The following EPHA6 variants were observed in gnomAD, a reference collection of about 807,000 sequenced individuals.
The protein encoded by EPHA6 is EPH receptor A6.
In EPHA6, 50 loss-of-function variants were observed where a neutral mutation model predicts 112.0. The observed-to-expected ratio is 0.45, with a 90% CI of 0.36 to 0.56. The LOEUF is 0.56. EPHA6 is among the 20% of genes least tolerant of loss of function. The pLI is 0.00. For missense variants in EPHA6, 1,280 were observed against 1,417.4 expected (o/e 0.90, Z 1.56); for synonymous variants, 529 against 490.7 (o/e 1.08, Z -1.03).
intron 1 of EPHA6, among the ~76,000 whole-genome samples, chr3:96,843,445 G>A (rs1340792267): frequency 1.3e-5 from 2 of 151,966 alleles, no homozygotes; most frequent in African/African-American, 4.8e-5. Flanking sequence ...ATATAGATTT[G>A]GAACATTTAC....
In EPHA6 at chr3:97,752,762, C is replaced by T. The variant is rs888730281; in HGVS notation, c.*4061C>T. 6.6e-6 allele frequency among the ~76,000 whole-genome samples: 1 copy of T among 151,854 alleles called. No individual in the cohort carries two copies. Among genetic ancestry groups the T allele is most frequent in the Admixed American group, 6.6e-5 (1 of 15,234 alleles). ...GGATGATGATGATCCTTTTTAATTG[C>T]TTTAACTAAGGAAGTTTATTATTAA... On this transcript the variant is annotated 3_prime_UTR_variant, in exon 18 of 18. Transcript: ENST00000389672.
chr3:97,288,078 GAAAA>G (rs2080538442), intron 5 of EPHA6, among the ~76,000 whole-genome samples: 1 of 148,290 alleles, frequency 6.7e-6, no homozygotes, highest in South Asian at 2.1e-4. Context: ...AAAGAAAAAA[GAAAA>G]AAGAAAGAAA....
At chr3:97,224,968 T>C (rs1004368904) in intron 3 of EPHA6, among the ~76,000 whole-genome samples, 1 of 152,148 alleles carries the variant, frequency 6.6e-6, no homozygotes, top group Admixed American at 6.5e-5. Flanking sequence ...TTTGTTTGTT[T>C]GTTTTGAGAC....
At chr3:96,953,362 G>C (rs186512028) in intron 2 of EPHA6, among the ~76,000 whole-genome samples, 1 of 152,146 alleles carries the variant, frequency 6.6e-6, no homozygotes, top group African/African-American at 2.4e-5. Context: ...TTTGTTTCTA[G>C]TTTAAAAACC....
intron 3 of EPHA6, among the ~76,000 whole-genome samples, chr3:97,200,567 T>A (rs541024119): frequency 2.2e-4 from 34 of 152,120 alleles, no homozygotes; most frequent in Non-Finnish European, 4.3e-4. Context: ...CCTCCAGCAA[T>A]GAAAGCATGC....
Position 97,328,001 on chromosome 3 carries a change from G to A in EPHA6, c.1607-77149G>A, listed in dbSNP as rs1005012351. Among the ~76,000 whole-genome samples the A allele has an allele frequency of 2.0e-3, 238 of 119,734 alleles. 5 individuals are homozygous for A. Among genetic ancestry groups the A allele is most frequent in the African/African-American group, 9.5e-3 (214 of 22,564 alleles). The allele number at this position is 119,734 out of a possible 152,430, so 78.6% of individuals were successfully genotyped here. On this transcript the variant is annotated intron_variant, in intron 5 of 17. Coordinates refer to ENST00000389672, the MANE Select transcript of EPHA6 (RefSeq NM_001080448.3). Reference sequence around the variant, plus strand: ...TGTGCATATATATGTATATGTGTATGTATATGTATATGTGTATATATGTAT... The same window carrying A: ...TGTGCATATATATGTATATGTGTATATATATGTATATGTGTATATATGTAT...
chr3:97,357,882 CA>C (rs1457707604), intron 5 of EPHA6, among the ~76,000 whole-genome samples: 2 of 152,034 alleles, frequency 1.3e-5, no homozygotes, highest in African/African-American at 4.8e-5. Flanking sequence ...GGAAGTGGAA[CA>C]TCATAAAGGT....
At chr3:97,164,423 T>C (rs1299831302) in intron 3 of EPHA6, among the ~76,000 whole-genome samples, 1 of 152,164 alleles carries the variant, frequency 6.6e-6, no homozygotes. Flanking sequence ...TTTTATTTCT[T>C]ACGTGTTTTA....
At chr3:97,494,743 A>G (rs2091934387) in intron 10 of EPHA6, among the ~76,000 whole-genome samples, 1 of 152,162 alleles carries the variant, frequency 6.6e-6, no homozygotes, top group South Asian at 2.1e-4. Flanking sequence ...AACACTGCCT[A>G]CTGGTACTCG....
intron 3 of EPHA6, among the ~76,000 whole-genome samples, chr3:97,105,122 G>A (rs1425627832): frequency 7.3e-6 from 1 of 136,946 alleles, no homozygotes; most frequent in African/African-American, 2.8e-5. Flanking sequence ...TGTTTTTTTT[G>A]TGTCTCAGTC....
At chr3:96,851,700 C>G (rs1241342579) in intron 1 of EPHA6, among the ~76,000 whole-genome samples, 9 of 151,996 alleles carry the variant, frequency 5.9e-5, no homozygotes, top group African/African-American at 2.2e-4. Context: ...TAAGCTGAGC[C>G]CAAGGGTGAG....
intron 15 of EPHA6, among the ~76,000 whole-genome samples, chr3:97,723,173 A>T (rs2034608125): frequency 6.6e-6 from 1 of 152,218 alleles, no homozygotes; most frequent in South Asian, 2.1e-4. Flanking sequence ...ATTAGATAGG[A>T]TGTCCACAGA....
intron 3 of EPHA6, among the ~76,000 whole-genome samples, chr3:97,104,264 A>T (rs529721367): frequency 1.5e-4 from 23 of 152,218 alleles, no homozygotes; most frequent in Middle Eastern, 6.8e-3. Flanking sequence ...CCCATTCCAT[A>T]GGATGTTGGC....
intron 2 of EPHA6, among the ~76,000 whole-genome samples, chr3:96,939,845 T>G (rs1227165665): frequency 1.3e-5 from 2 of 152,334 alleles, no homozygotes; most frequent in East Asian, 3.9e-4. Flanking sequence ...TATTTCTGCC[T>G]TCATTTTGTT....
rs575430174 is a variant in EPHA6, at chr3:97,082,799, T to C, written c.1114+94806T>C. Among the ~76,000 whole-genome samples, 16 of 152,054 alleles carry C rather than the reference T, an allele frequency of 1.1e-4. 1 individual carries two copies. The South Asian group carries it at 3.1e-3, about 30-fold the overall frequency. On this transcript the variant is annotated intron_variant, in intron 3 of 17. Coordinates refer to ENST00000389672, the MANE Select transcript of EPHA6 (RefSeq NM_001080448.3). ...AGTACTGCATGTTTCTTTTTTCTTTTATTTGACAAAATTGCCAGTAAATAC... is the reference window on the plus strand; with the variant it reads ...AGTACTGCATGTTTCTTTTTTCTTTCATTTGACAAAATTGCCAGTAAATAC...
intron 1 of EPHA6, among the ~76,000 whole-genome samples, chr3:96,837,631 C>G (rs1338153167): frequency 1.3e-5 from 2 of 151,936 alleles, no homozygotes; most frequent in African/African-American, 4.8e-5. Flanking sequence ...ACTTTTGGAC[C>G]ATTTTCAGTA....
At chr3:97,201,877 T>C (rs1390957089) in intron 3 of EPHA6, among the ~76,000 whole-genome samples, 1 of 152,096 alleles carries the variant, frequency 6.6e-6, no homozygotes, top group Non-Finnish European at 1.5e-5. Flanking sequence ...CTGCCTGAAT[T>C]AATGCTGGCA....
chr3:97,735,463 G>A (rs1322208806), intron 15 of EPHA6, among the ~76,000 whole-genome samples: 4 of 152,010 alleles, frequency 2.6e-5, no homozygotes, highest in East Asian at 1.9e-4. Context: ...GTTAGAAACA[G>A]GGTACACATT....
At chr3:97,617,495 A>G (rs1224626334) in intron 13 of EPHA6, among the ~76,000 whole-genome samples, 1 of 152,204 alleles carries the variant, frequency 6.6e-6, no homozygotes, top group Non-Finnish European at 1.5e-5. Flanking sequence ...AGCTGGATAA[A>G]GAACTAAGAC....
Sources: allele counts gnomAD v4.1 joint callset (sites outside exome capture counted in the v4.1 genomes callset), GRCh38; gene constraint gnomAD v4.1.1; transcripts MANE v1.5; gene names NCBI Gene and HGNC (gene_info 2026-07-23, HGNC 2026-07-21).